ADGRF1: variants seen among roughly 807,000 people sequenced by gnomAD.
ADGRF1 encodes the protein adhesion G protein-coupled receptor F1, also known as G protein-coupled receptor 110.
In ADGRF1, 85 loss-of-function variants were observed where a neutral mutation model predicts 87.2. The observed-to-expected ratio is 0.97, with a 90% CI of 0.82 to 1.17. The LOEUF (loss-of-function observed/expected upper bound fraction) is 1.17, where lower values mean the gene tolerates loss of function less well. ADGRF1 is among the 50% of genes most tolerant of loss of function. The pLI is 0.00. For synonymous variants in ADGRF1, 430 were observed against 408.8 expected (o/e 1.05, Z -0.63); for missense variants, 1,169 against 1,077.2 (o/e 1.09, Z -1.19).
chr6:47,000,004 C>T lies in ADGRF1; in HGVS notation c.*218G>A, dbSNP rs1779316957. The T allele has an allele frequency of 2.2e-6, 1 of 462,816 alleles. No individual in the cohort carries two copies. The highest frequency in any genetic ancestry group is 3.0e-5 in the South Asian group (1 of 32,886). The allele number at this position is 462,816 out of a possible 1,614,324, so 28.7% of individuals were successfully genotyped here. ...AACCTACTCTTCTGCATTTATGGAG[C>T]ACTTTCTTTGAATCAAATCACATGG... is the stretch of plus-strand genomic sequence containing the variant. On this transcript the variant is annotated 3_prime_UTR_variant, in exon 15 of 15. Transcript: ENST00000371253.
chr6:47,033,605 C>A (rs1780500329), intron 1 of ADGRF1, among the ~76,000 whole-genome samples: 1 of 152,268 alleles, frequency 6.6e-6, no homozygotes, highest in Non-Finnish European at 1.5e-5. Context: ...CACATGCGCC[C>A]ATGCGCACAC....
chr6:47,011,667 T>C (rs1226478), intron 10 of ADGRF1, among the ~76,000 whole-genome samples: 17,793 of 152,176 alleles, frequency 0.12, 2,499 homozygotes, highest in African/African-American at 0.33. Flanking sequence ...TCTTAAAATA[T>C]ACACTGTTCA....
intron 9 of ADGRF1, chr6:47,012,795 A>G (rs1429845042): frequency 1.0e-6 from 1 of 983,626 alleles, no homozygotes; most frequent in Non-Finnish European, 1.2e-6. Flanking sequence ...TTCGAGATGG[A>G]GTCTTGCTCT....
At chr6:47,021,726 A>G (rs1260753398) in intron 6 of ADGRF1, among the ~76,000 whole-genome samples, 1 of 152,234 alleles carries the variant, frequency 6.6e-6, no homozygotes, top group Non-Finnish European at 1.5e-5. Context: ...TATTGCTAAA[A>G]TAAGTGAGCA....
In ADGRF1 at chr6:47,022,804, C is replaced by CTTT. The variant is rs11286179; in HGVS notation, c.452-749_452-747dup. ...CTTTCCTTTCTTTCTTTTCTTTTTT[C>CTTT]TTTTTTTTTTTTTTTTTTTAGTCAG... is the stretch of plus-strand genomic sequence containing the variant. On this transcript the variant is annotated intron_variant, in intron 5 of 14. Transcript: ENST00000371253. Among the ~76,000 whole-genome samples the CTTT allele has an allele frequency of 1.1e-3, 136 of 119,290 alleles. 1 individual carries two copies. Among genetic ancestry groups the CTTT allele is most frequent in the African/African-American group, 3.1e-3 (91 of 29,442 alleles). 78.3% of individuals were successfully genotyped at this position (119,290 alleles called of 152,430 possible).
chr6:47,007,422 G>A (rs976374228), intron 11 of ADGRF1, 128 bp from the exon 12 acceptor site: 4 of 556,614 alleles, frequency 7.2e-6, no homozygotes, highest in Admixed American at 7.2e-5. Flanking sequence ...TTAAGAGACT[G>A]TAGTCTCCTT....
At chr6:47,018,271 G>T in intron 7 of ADGRF1, 1 of 687,324 alleles carries the variant, frequency 1.5e-6, no homozygotes, top group Non-Finnish European at 2.1e-6. Flanking sequence ...AATACATTAA[G>T]TCAATCCTGC....
At chr6:47,031,014 C>T (rs915715609) in intron 1 of ADGRF1, among the ~76,000 whole-genome samples, 3 of 152,268 alleles carry the variant, frequency 2.0e-5, no homozygotes, top group Admixed American at 6.5e-5. Flanking sequence ...CCGCCTGCTT[C>T]GGACTCCCAA....
chr6:47,015,810 C>G (rs1176380648), intron 8 of ADGRF1, among the ~76,000 whole-genome samples: 3 of 150,866 alleles, frequency 2.0e-5, no homozygotes, highest in Admixed American at 6.6e-5. Context: ...GTTGGCCAGG[C>G]TGGTCTCAAA....
intron 13 of ADGRF1, among the ~76,000 whole-genome samples, chr6:47,003,719 T>C (rs1171618598): frequency 6.6e-6 from 1 of 152,192 alleles, no homozygotes. Context: ...AACCAAGATA[T>C]ACCTCGCATG....
chr6:47,033,652 C>A (rs1163369002), intron 1 of ADGRF1, among the ~76,000 whole-genome samples: 1 of 152,268 alleles, frequency 6.6e-6, no homozygotes, highest in Non-Finnish European at 1.5e-5. Flanking sequence ...CACATAGGAT[C>A]TAAAAGAAAT....
At chr6:47,015,240 T>C (rs1296449198) in intron 8 of ADGRF1, among the ~76,000 whole-genome samples, 2 of 152,264 alleles carry the variant, frequency 1.3e-5, no homozygotes, top group Non-Finnish European at 2.9e-5. Context: ...AGTAATGTTA[T>C]GGTTAAAAGA....
intron 1 of ADGRF1, among the ~76,000 whole-genome samples, chr6:47,033,611 C>A (rs966240936): frequency 6.6e-6 from 1 of 152,266 alleles, no homozygotes; most frequent in Non-Finnish European, 1.5e-5. Context: ...CGCCCATGCG[C>A]ACACACACAT....
chr6:47,027,159 G>A (rs1363319050), intron 3 of ADGRF1, among the ~76,000 whole-genome samples: 1 of 152,100 alleles, frequency 6.6e-6, no homozygotes, highest in Admixed American at 6.5e-5. Flanking sequence ...TTACTGTCAG[G>A]GAAATTGTAT....
chr6:47,009,946 C>A lies in ADGRF1; in HGVS notation c.1489G>T (p.Gly497Ter). ...LGNILPVSKN[G>*]NAQVNGPVIS... ...ACAGGTCCATTGACCTGAGCATTTCCATTTTTGGAAACGGGTAGAATGTTC... is the reference window on the plus strand; with the variant it reads ...ACAGGTCCATTGACCTGAGCATTTCAATTTTTGGAAACGGGTAGAATGTTC... Residue 497 changes from glycine to a stop codon, truncating the protein, a stop_gained, in exon 11 of 15, where the codon GGA (glycine) becomes TGA (stop). Coordinates refer to ENST00000371253, the MANE Select transcript of ADGRF1 (RefSeq NM_153840.4). LOFTEE classifies it high-confidence loss of function. 6.2e-7 allele frequency: 1 copy of A among 1,614,090 alleles called. No individual in the cohort carries two copies. Among genetic ancestry groups the A allele is most frequent in the Non-Finnish European group, 8.5e-7 (1 of 1,179,970 alleles).
At position 47,008,942 on chromosome 6, in the gene ADGRF1, C is replaced by T. The variant is rs376859501; in HGVS notation, c.2490+3G>A. On this transcript the variant is annotated splice_donor_region_variant and intron_variant, in intron 11 of 14. Coordinates refer to ENST00000371253, the MANE Select transcript of ADGRF1 (RefSeq NM_153840.4). ...TACAATAGGTTATTGTTACTGTTCT[C>T]ACCTGGAATGCATTGAGTAAAGCAA... is the stretch of plus-strand genomic sequence containing the variant. 380 of 1,583,202 alleles carry T rather than the reference C, an allele frequency of 2.4e-4. 1 individual carries two copies. In the South Asian group the frequency reaches 2.9e-3, roughly 12 times the overall value.
At chr6:47,012,719 T>C (rs1779745525) in intron 9 of ADGRF1, 2 of 985,488 alleles carry the variant, frequency 2.0e-6, no homozygotes, top group African/African-American at 3.5e-5. Context: ...GAAACATACA[T>C]GGAGATTTGA....
At chr6:47,010,863 A>C (rs1167544450) in intron 10 of ADGRF1, among the ~76,000 whole-genome samples, 1 of 152,170 alleles carries the variant, frequency 6.6e-6, no homozygotes, top group East Asian at 1.9e-4. Flanking sequence ...CCAAGCATTG[A>C]ATTGTCATGG....
At chr6:47,027,681 C>A in intron 3 of ADGRF1, 23 bp downstream of exon 3, 1 of 1,572,680 alleles carries the variant, frequency 6.4e-7, no homozygotes, top group South Asian at 1.1e-5. Context: ...TCCACTGCAC[C>A]ATGCTGTCTA....
Sources: allele counts gnomAD v4.1 joint callset (sites outside exome capture counted in the v4.1 genomes callset), GRCh38; gene constraint gnomAD v4.1.1; transcripts MANE v1.5; gene names NCBI Gene and HGNC (gene_info 2026-07-23, HGNC 2026-07-21).